The following SDK1 variants were observed in gnomAD, a reference collection of about 807,000 sequenced individuals.
SDK1 encodes the protein sidekick cell adhesion molecule 1.
In SDK1, 157 loss-of-function variants were observed where a neutral mutation model predicts 245.5. That is an observed-to-expected ratio of 0.64 (90% CI 0.56 to 0.73). The LOEUF is 0.73. Among genes scored for constraint, SDK1 ranks in the 30% least tolerant of loss-of-function variants. SDK1 has a pLI of 0.00. For missense variants in SDK1, 3,583 were observed against 3,002.3 expected, an observed-to-expected ratio of 1.19 and a Z score of -4.52; for synonymous variants, 1,647 against 1,278.5, an observed-to-expected ratio of 1.29 and a Z score of -6.15.
At chr7:3,575,427 C>A (rs145606305) in intron 1 of SDK1, among the ~76,000 whole-genome samples, 133 of 152,084 alleles carry the variant, frequency 8.7e-4, no homozygotes, top group African/African-American at 3.1e-3. Context: ...GGGCATCAAA[C>A]GAATGAATTT....
At chr7:4,005,035 G>C in intron 14 of SDK1, among the ~76,000 whole-genome samples, 1 of 133,196 alleles carries the variant, frequency 7.5e-6, no homozygotes, top group African/African-American at 3.0e-5. Flanking sequence ...ATTGGTTCCT[G>C]CACCTTTTTT....
At chr7:4,010,323 C>T (rs1441454142) in intron 14 of SDK1, among the ~76,000 whole-genome samples, 5 of 152,118 alleles carry the variant, frequency 3.3e-5, no homozygotes, top group Admixed American at 6.5e-5. Context: ...GCAGAACCTT[C>T]GGAAGCCTTG....
intron 5 of SDK1, among the ~76,000 whole-genome samples, chr7:3,837,919 G>A (rs759139340): frequency 1.3e-5 from 2 of 152,020 alleles, no homozygotes; most frequent in Admixed American, 6.6e-5. Flanking sequence ...AGCTTTATTC[G>A]CTCCTGGAGT....
Position 4,258,875 on chromosome 7 carries a change from TTC to T in SDK1, c.6382-6247_6382-6246del, listed in dbSNP as rs1320475721. On this transcript the variant is annotated intron_variant, in intron 44 of 44. Coordinates refer to ENST00000404826, the MANE Select transcript of SDK1 (RefSeq NM_152744.4). Reference sequence around the variant, plus strand: ...CAGTTTGTGAAACCTAGCACTAAATTTCTGTCATTCGTTCCTAAATATTCTGT... The same window carrying T: ...CAGTTTGTGAAACCTAGCACTAAATTTGTCATTCGTTCCTAAATATTCTGT... Among the ~76,000 whole-genome samples the T allele has an allele frequency of 5.9e-5, 9 of 152,206 alleles. No individual in the cohort carries two copies. In the East Asian group the frequency reaches 7.7e-4, roughly 13 times the overall value.
intron 5 of SDK1, among the ~76,000 whole-genome samples, chr7:3,922,570 C>A (rs1235687647): frequency 1.3e-5 from 2 of 152,146 alleles, no homozygotes; most frequent in Non-Finnish European, 2.9e-5. Flanking sequence ...ATTAACATTC[C>A]GTAGATGTTA....
chr7:4,125,980 G>A (rs1487007722), intron 25 of SDK1, among the ~76,000 whole-genome samples: 1 of 152,180 alleles, frequency 6.6e-6, no homozygotes, highest in Non-Finnish European at 1.5e-5. Flanking sequence ...GGGTATCCTG[G>A]AGACCACCTG....
intron 1 of SDK1, among the ~76,000 whole-genome samples, chr7:3,552,331 G>A (rs941520103): frequency 3.9e-5 from 6 of 152,126 alleles, no homozygotes; most frequent in Non-Finnish European, 5.9e-5. Context: ...GTGAGCCACC[G>A]CGCCCAGCTG....
chr7:3,965,063 C>T (rs371603964), intron 9 of SDK1, among the ~76,000 whole-genome samples: 1 of 152,140 alleles, frequency 6.6e-6, no homozygotes, highest in Non-Finnish European at 1.5e-5. Flanking sequence ...GCTTTTTCTG[C>T]GAAGGGCCTA....
intron 42 of SDK1, among the ~76,000 whole-genome samples, chr7:4,241,589 A>G (rs1036078701): frequency 3.3e-5 from 5 of 152,242 alleles, no homozygotes; most frequent in African/African-American, 1.2e-4. Flanking sequence ...AAATGCTAAT[A>G]TTGTCACTTT....
chr7:3,692,793 C>A (rs548102971), intron 4 of SDK1, among the ~76,000 whole-genome samples: 35 of 152,136 alleles, frequency 2.3e-4, no homozygotes, highest in Non-Finnish European at 3.8e-4. Context: ...ATTCTAGAAT[C>A]GCATCGATTT....
intron 1 of SDK1, among the ~76,000 whole-genome samples, chr7:3,597,037 G>A (rs1218643216): frequency 2.0e-5 from 3 of 152,096 alleles, no homozygotes; most frequent in Admixed American, 6.5e-5. Flanking sequence ...TTGGGAGGCC[G>A]AGGCAGGCGG....
intron 4 of SDK1, among the ~76,000 whole-genome samples, chr7:3,675,174 C>A (rs933017422): frequency 6.6e-6 from 1 of 152,216 alleles, no homozygotes; most frequent in African/African-American, 2.4e-5. Context: ...CATATCATTT[C>A]ATGGCAGCTT....
chr7:3,904,849 C>A (rs113564665), intron 5 of SDK1, among the ~76,000 whole-genome samples: 14 of 151,816 alleles, frequency 9.2e-5, no homozygotes, highest in Non-Finnish European at 1.8e-4. Flanking sequence ...AAAGATTAGC[C>A]GGGTGTGGTG....
intron 35 of SDK1, among the ~76,000 whole-genome samples, chr7:4,194,326 A>G (rs55700125): frequency 0.031 from 3,814 of 121,362 alleles, 409 homozygotes; most frequent in African/African-American, 0.14. Flanking sequence ...ATATGTATGC[A>G]CGTATGTGTA....
At chr7:3,388,878 C>T (rs1011614760) in intron 1 of SDK1, among the ~76,000 whole-genome samples, 2 of 151,980 alleles carry the variant, frequency 1.3e-5, no homozygotes, top group Admixed American at 1.3e-4. Context: ...GGTGGCCTGC[C>T]CAAATGGAGT....
chr7:3,836,340 T>C (rs537367516), intron 5 of SDK1, among the ~76,000 whole-genome samples: 15 of 152,376 alleles, frequency 9.8e-5, no homozygotes, highest in African/African-American at 3.1e-4. Flanking sequence ...CTTATACACA[T>C]ATACATAACT....
intron 1 of SDK1, among the ~76,000 whole-genome samples, chr7:3,590,061 T>C (rs1780814386): frequency 6.6e-6 from 1 of 152,194 alleles, no homozygotes; most frequent in Admixed American, 6.5e-5. Flanking sequence ...TTCCTATTAG[T>C]GTAAATACGT....
At chr7:4,108,401 C>G (rs1378605124) in intron 22 of SDK1, among the ~76,000 whole-genome samples, 2 of 150,684 alleles carry the variant, frequency 1.3e-5, no homozygotes, top group African/African-American at 4.9e-5. Flanking sequence ...GATGGCTACC[C>G]CAGTGCTGAG....
chr7:4,093,902 C>G (rs1178648550), intron 22 of SDK1, among the ~76,000 whole-genome samples: 3 of 152,174 alleles, frequency 2.0e-5, no homozygotes, highest in Admixed American at 2.0e-4. Context: ...GTCCTTGGTC[C>G]AAAGCCTCTT....
Sources: gnomAD v4.1 joint callset for allele counts (sites outside exome capture counted in the v4.1 genomes callset) on GRCh38, gnomAD v4.1.1 for gene constraint, MANE v1.5 for transcripts, NCBI Gene and HGNC (gene_info 2026-07-23, HGNC 2026-07-21) for gene names.